Variants in EPHA6 observed in about 807,000 individuals in gnomAD.
EPHA6 encodes the protein ephrin type-A receptor 6.
A neutral mutation model predicts 112.0 loss-of-function variants in EPHA6; 50 were observed. The observed-to-expected ratio is 0.45, with a 90% CI of 0.36 to 0.56. The LOEUF (loss-of-function observed/expected upper bound fraction) is 0.56. Among genes scored for constraint, EPHA6 ranks in the 20% least tolerant of loss-of-function variants. The probability of loss-of-function intolerance (pLI) is 0.00; values close to 1 mark genes in which losing one functional copy is unlikely to be tolerated. For missense variants in EPHA6, 1,280 were observed against 1,417.4 expected (o/e 0.90, Z 1.56); for synonymous variants, 529 against 490.7 (o/e 1.08, Z -1.03).
intron 13 of EPHA6, among the ~76,000 whole-genome samples, chr3:97,616,193 T>G (rs536368313): frequency 6.6e-6 from 1 of 152,204 alleles, no homozygotes; most frequent in African/African-American, 2.4e-5. Context: ...AACCAGGCAC[T>G]GGAGCAGACC....
chr3:97,182,324 TATA>T (rs1576633114), intron 3 of EPHA6, among the ~76,000 whole-genome samples: 1 of 148,804 alleles, frequency 6.7e-6, no homozygotes, highest in Non-Finnish European at 1.5e-5. Flanking sequence ...AATTTATTAT[TATA>T]ATATTATATA....
intron 3 of EPHA6, among the ~76,000 whole-genome samples, chr3:97,097,271 C>T (rs929554320): frequency 6.6e-6 from 1 of 151,530 alleles, no homozygotes; most frequent in African/African-American, 2.4e-5. Context: ...TAAGAAATGA[C>T]ATGAAGAAAA....
intron 16 of EPHA6, among the ~76,000 whole-genome samples, chr3:97,738,325 T>G: frequency 6.6e-6 from 1 of 152,012 alleles, no homozygotes; most frequent in Non-Finnish European, 1.5e-5. Context: ...GATACTGGCA[T>G]CTATAAACTG....
Position 97,760,871 on chromosome 3 carries a change from T to C in EPHA6, c.*12170T>C, listed in dbSNP as rs2036147227. The C allele has an allele frequency of 5.3e-6, 1 of 188,500 alleles. No individual in the cohort carries two copies. Among genetic ancestry groups the C allele is most frequent in the Admixed American group, 6.2e-5 (1 of 16,194 alleles). 11.7% of individuals were successfully genotyped at this position (188,500 alleles called of 1,614,324 possible). On this transcript the variant is annotated 3_prime_UTR_variant, in exon 18 of 18. Coordinates refer to ENST00000389672, the MANE Select transcript of EPHA6 (RefSeq NM_001080448.3). ...TCATTGTAACTTGTCATGAAGCTAT[T>C]TATTATTAATTAAGGATTTAACTCT...
rs771164667 is a variant in EPHA6, at chr3:97,483,979, A to G, written c.2120A>G (p.Glu707Gly). Residue 707 changes from glutamate to glycine, a missense_variant, in exon 10 of 18, where the codon GAA becomes GGA. This residue lies in a region of EPHA6 where 878 missense variants were observed against 999.7 expected (regional missense o/e 0.88). Coordinates refer to ENST00000389672, the MANE Select transcript of EPHA6 (RefSeq NM_001080448.3). ...ACTTACATTGATCCAGATACATATG[A>G]AGACCCATCCCTAGCAGTCCATGAA... ...IKTYIDPDTY[E>G]DPSLAVHEFA... 6.2e-7 allele frequency: 1 copy of G among 1,609,932 alleles called. No homozygotes were observed. The highest frequency in any genetic ancestry group is 8.5e-7 in the Non-Finnish European group (1 of 1,178,044).
chr3:97,214,481 CAAAA>C (rs1166034294), intron 3 of EPHA6, among the ~76,000 whole-genome samples: 4 of 63,022 alleles, frequency 6.3e-5, no homozygotes, highest in Non-Finnish European at 1.1e-4. Context: ...AACTTTGTCT[CAAAA>C]AAAAAAAAAA....
chr3:97,180,532 G>T (rs564083386), intron 3 of EPHA6, among the ~76,000 whole-genome samples: 4 of 152,048 alleles, frequency 2.6e-5, no homozygotes, highest in Non-Finnish European at 5.9e-5. Flanking sequence ...ATCACTGCTG[G>T]TTATTCAGGG....
intron 4 of EPHA6, among the ~76,000 whole-genome samples, chr3:97,229,028 A>C: frequency 6.6e-6 from 1 of 152,064 alleles, no homozygotes; most frequent in East Asian, 1.9e-4. Context: ...TCTTTTGAGA[A>C]TTGTCTATCC....
At chr3:96,894,028 C>T (rs2038126679) in intron 2 of EPHA6, among the ~76,000 whole-genome samples, 1 of 152,110 alleles carries the variant, frequency 6.6e-6, no homozygotes, top group South Asian at 2.1e-4. Flanking sequence ...AAACAGATGC[C>T]TGGAAGGACT....
rs570265705 is a variant in EPHA6, at chr3:96,904,085, G to A, written c.450+37196G>A. Among the ~76,000 whole-genome samples the A allele has an allele frequency of 2.0e-5, 3 of 152,172 alleles. No homozygotes were observed. In the South Asian group the frequency reaches 6.2e-4, roughly 32 times the overall value. On this transcript the variant is annotated intron_variant, in intron 2 of 17. Transcript: ENST00000389672. ...GGATCTAGAACTAGAAATACCATTT[G>A]ACCCAGCCATCCCGTTACTGGGTAT... is the stretch of plus-strand genomic sequence containing the variant.
chr3:97,571,198 T>A (rs1310811338), intron 11 of EPHA6, among the ~76,000 whole-genome samples: 1 of 152,054 alleles, frequency 6.6e-6, no homozygotes, highest in Non-Finnish European at 1.5e-5. Flanking sequence ...AAAATACTGC[T>A]GCCAGGATGG....
chr3:96,982,642 G>T (rs1049314907), intron 2 of EPHA6, among the ~76,000 whole-genome samples: 6 of 152,120 alleles, frequency 3.9e-5, no homozygotes, highest in African/African-American at 1.4e-4. Flanking sequence ...TCTGTCTAAT[G>T]TTGACAGTGG....
chr3:97,383,536 T>C (rs1337456616), intron 5 of EPHA6, among the ~76,000 whole-genome samples: 1 of 152,108 alleles, frequency 6.6e-6, no homozygotes, highest in Non-Finnish European at 1.5e-5. Flanking sequence ...TTTATGTCTA[T>C]TCACTGATGT....
chr3:96,999,152 C>T (rs1005732974), intron 3 of EPHA6, among the ~76,000 whole-genome samples: 2 of 151,830 alleles, frequency 1.3e-5, no homozygotes, highest in Non-Finnish European at 2.9e-5. Flanking sequence ...CTATCATGTA[C>T]TTTGGAATTG....
intron 5 of EPHA6, among the ~76,000 whole-genome samples, chr3:97,373,170 T>C (rs1442623815): frequency 6.6e-6 from 1 of 152,190 alleles, no homozygotes; most frequent in Non-Finnish European, 1.5e-5. Flanking sequence ...ATTGCAACTT[T>C]GGAATGAAAA....
intron 2 of EPHA6, among the ~76,000 whole-genome samples, chr3:96,965,326 C>T (rs1008527372): frequency 1.3e-5 from 2 of 152,062 alleles, no homozygotes; most frequent in Non-Finnish European, 2.9e-5. Flanking sequence ...TACTTACCTA[C>T]CTCCCTAACA....
chr3:97,693,053 T>C (rs1365436560), intron 14 of EPHA6, among the ~76,000 whole-genome samples: 1 of 152,168 alleles, frequency 6.6e-6, no homozygotes, highest in Non-Finnish European at 1.5e-5. Context: ...GTGGCCCTTG[T>C]CAAGTCCTCA....
intron 11 of EPHA6, among the ~76,000 whole-genome samples, chr3:97,572,303 A>G (rs1429550280): frequency 6.6e-6 from 1 of 151,972 alleles, no homozygotes; most frequent in Non-Finnish European, 1.5e-5. Flanking sequence ...GGCGCCCGCC[A>G]CCACACCCAG....
chr3:97,019,033 G>A (rs538079037), intron 3 of EPHA6, among the ~76,000 whole-genome samples: 3 of 152,102 alleles, frequency 2.0e-5, no homozygotes, highest in Non-Finnish European at 2.9e-5. Context: ...GTATGGCCTG[G>A]TTTTTCCTAG....
Sources: allele counts gnomAD v4.1 joint callset (sites outside exome capture counted in the v4.1 genomes callset), GRCh38; gene constraint gnomAD v4.1.1; regional missense constraint gnomAD v4.1.1; transcripts MANE v1.5; gene names NCBI Gene and HGNC (gene_info 2026-07-23, HGNC 2026-07-21).